MSN: variants seen among roughly 807,000 people sequenced by gnomAD.
MSN encodes epididymis luminal protein 70.
In MSN, 2 loss-of-function variants were observed where a neutral mutation model predicts 48.0. That is an observed-to-expected ratio of 0.04 (90% CI 0.02 to 0.13). MSN has a LOEUF of 0.13. Among genes scored for constraint, MSN ranks in the 10% least tolerant of loss-of-function variants. The pLI is 1.00. For synonymous variants in MSN, 146 were observed against 166.9 expected (o/e 0.87, Z 0.97); for missense variants, 267 against 470.1 (o/e 0.57, Z 3.99).
chrX:65,687,073 G>A (rs540046525), intron 1 of MSN, among the ~76,000 whole-genome samples: 13 of 112,168 alleles, frequency 1.2e-4, no homozygotes, highest in African/African-American at 4.2e-4. Context: ...TCGGCCAGGC[G>A]TGGTGGCTCA....
chrX:65,673,070 A>G (rs2070958499), intron 1 of MSN, among the ~76,000 whole-genome samples: 1 of 111,475 alleles, frequency 9.0e-6, no homozygotes, highest in African/African-American at 3.3e-5. Flanking sequence ...TACTGGCTTG[A>G]GTACTCTTGG....
chrX:65,649,374 T>C (rs1327982030), intron 1 of MSN, among the ~76,000 whole-genome samples: 1 of 97,242 alleles, frequency 1.0e-5, no homozygotes, highest in African/African-American at 3.8e-5. Context: ...GACCAGCCTG[T>C]CAATATGATG....
In MSN at chrX:65,740,785, A is replaced by G. The variant is rs776760285; in HGVS notation, c.*892A>G. On this transcript the variant is annotated 3_prime_UTR_variant, in exon 13 of 13. Transcript: ENST00000360270. ...ATCCTCTCCAGCTATAACAGTAGGG[A>G]TGAGTACCCAAAAGCTCAGCCAGCC... The G allele has an allele frequency of 5.8e-6, 1 of 172,061 alleles. No homozygotes were observed. The highest frequency in any genetic ancestry group is 3.0e-5 in the African/African-American group (1 of 33,733). 14.2% of individuals were successfully genotyped at this position (172,061 alleles called of 1,213,427 possible).
At chrX:65,628,054 T>C (rs1317084727) in intron 1 of MSN, among the ~76,000 whole-genome samples, 4 of 112,531 alleles carry the variant, frequency 3.6e-5, no homozygotes, top group Non-Finnish European at 7.5e-5. Flanking sequence ...GCTCCACCCT[T>C]GTGGCTTTGC....
chrX:65,612,865 TGG>T (rs768444031), intron 1 of MSN, among the ~76,000 whole-genome samples: 9,352 of 103,448 alleles, frequency 0.09, 1,130 homozygotes, highest in African/African-American at 0.32. Context: ...TTTTTTTTTT[TGG>T]GGGGGGGTAC....
chrX:65,705,215 G>A (rs2071349701), intron 1 of MSN, among the ~76,000 whole-genome samples: 1 of 111,712 alleles, frequency 9.0e-6, no homozygotes. Flanking sequence ...TCTTTTTCAG[G>A]TCTGACAGTT....
chrX:65,659,406 G>T (rs1483125849), intron 1 of MSN, among the ~76,000 whole-genome samples: 2 of 111,156 alleles, frequency 1.8e-5, no homozygotes, highest in African/African-American at 6.6e-5. Flanking sequence ...CACCAGCCTC[G>T]GCCTCCCAAA....
chrX:65,704,558 T>G (rs2147488024), intron 1 of MSN, among the ~76,000 whole-genome samples: 1 of 111,270 alleles, frequency 9.0e-6, no homozygotes, highest in East Asian at 2.8e-4. Flanking sequence ...TGGTGGTGAT[T>G]GTCTCAGATC....
At chrX:65,721,336 T>C (rs191061698) in intron 2 of MSN, among the ~76,000 whole-genome samples, 1 of 112,504 alleles carries the variant, frequency 8.9e-6, no homozygotes, top group Admixed American at 9.4e-5. Context: ...CTTTCCTTTG[T>C]AAAATGATAA....
Position 65,697,209 on chromosome X carries a change from G to C in MSN, c.13-19609G>C, listed in dbSNP as rs376765243. Reference sequence around the variant, plus strand: ...CTAGGGGAACAGCAGGCTGGGTGGGGGGTTGGGGACATCCTGCTTAGGGGT... The same window carrying C: ...CTAGGGGAACAGCAGGCTGGGTGGGCGGTTGGGGACATCCTGCTTAGGGGT... On this transcript the variant is annotated intron_variant, in intron 1 of 12. Transcript: ENST00000360270. Among the ~76,000 whole-genome samples the C allele has an allele frequency of 1.2e-4, 13 of 110,237 alleles. 1 individual carries two copies. The East Asian group carries it at 3.7e-3, about 32-fold the overall frequency.
At chrX:65,617,439 G>C (rs1175556179) in intron 1 of MSN, among the ~76,000 whole-genome samples, 1 of 104,361 alleles carries the variant, frequency 9.6e-6, no homozygotes, top group Admixed American at 9.7e-5. Context: ...TCTTGGGAGA[G>C]TGTATGTGTC....
At chrX:65,736,591 T>C (rs936984590) in intron 8 of MSN, among the ~76,000 whole-genome samples, 1 of 110,649 alleles carries the variant, frequency 9.0e-6, no homozygotes, top group Non-Finnish European at 1.9e-5. Context: ...CATGCCACTA[T>C]GCCCAGCCAA....
intron 1 of MSN, among the ~76,000 whole-genome samples, chrX:65,621,943 A>G (rs1156346031): frequency 8.9e-6 from 1 of 111,873 alleles, no homozygotes; most frequent in Non-Finnish European, 1.9e-5. Context: ...GAATAGAAAT[A>G]CAAGTGATTT....
rs771898503 is a variant in MSN, at chrX:65,733,277, C to A, written c.792C>A (p.Ala264=). Residue 264 remains alanine, a synonymous_variant, in exon 7 of 13, where the codon GCC becomes GCA. Transcript: ENST00000360270. ...KFVIKPIDKK[A]PDFVFYAPRL... is the part of the protein sequence containing the mutation. ...TCATCAAGCCCATTGACAAAAAAGC[C>A]CCGGTGAGTGATTCCTCCCTCTGAC... is the stretch of plus-strand genomic sequence containing the variant. The A allele has an allele frequency of 8.3e-7, 1 of 1,202,255 alleles. No homozygotes were observed. Among genetic ancestry groups the A allele is most frequent in the Non-Finnish European group, 1.1e-6 (1 of 886,932 alleles).
chrX:65,732,020 C>A, intron 6 of MSN, 36 bp downstream of exon 6: 1 of 1,182,650 alleles, frequency 8.5e-7, no homozygotes, highest in Non-Finnish European at 1.1e-6. Context: ...ATTTAGGTCA[C>A]GTTAACATCT....
At chrX:65,667,323 A>C (rs1181344925), upstream of MSN, among the ~76,000 whole-genome samples, 1 of 111,567 alleles carries the variant, frequency 9.0e-6, no homozygotes, top group Non-Finnish European at 1.9e-5. Context: ...CATCAGTGGA[A>C]AGTTGCAGTC....
intron 1 of MSN, among the ~76,000 whole-genome samples, chrX:65,627,570 C>A (rs1461160147): frequency 9.0e-6 from 1 of 111,066 alleles, no homozygotes; most frequent in African/African-American, 3.3e-5. Flanking sequence ...CAATTACCTC[C>A]CCCTGGGTCC....
chrX:65,666,176 TG>T (rs1187564674), upstream of MSN, among the ~76,000 whole-genome samples: 5 of 108,326 alleles, frequency 4.6e-5, no homozygotes, highest in Admixed American at 3.0e-4. Flanking sequence ...CTAATTTTTT[TG>T]TTTTTTTTTT....
chrX:65,733,675 T>C (rs2071645685), intron 7 of MSN, among the ~76,000 whole-genome samples: 1 of 110,579 alleles, frequency 9.0e-6, no homozygotes, highest in South Asian at 3.7e-4. Flanking sequence ...CTTCCTTCCT[T>C]CCTCTCTCTC....
Sources: gnomAD v4.1 joint callset for allele counts (sites outside exome capture counted in the v4.1 genomes callset) on GRCh38, gnomAD v4.1.1 for gene constraint, MANE v1.5 for transcripts, NCBI Gene and HGNC (gene_info 2026-07-23, HGNC 2026-07-21) for gene names.